The following GALNT1 variants were observed in gnomAD, a reference collection of about 807,000 sequenced individuals.
The protein encoded by GALNT1 is polypeptide N-acetylgalactosaminyltransferase 1, also known as GalNAc transferase 1.
A neutral mutation model predicts 65.7 loss-of-function variants in GALNT1; 17 were observed. That is an observed-to-expected ratio of 0.26 (90% confidence interval 0.18 to 0.39). The LOEUF is 0.39. GALNT1 is among the 10% of genes least tolerant of loss of function. The pLI is 1.00. For missense variants in GALNT1, 460 were observed against 672.8 expected (o/e 0.68, Z 3.50); for synonymous variants, 210 against 219.7 (o/e 0.96, Z 0.39).
intron 1 of GALNT1, among the ~76,000 whole-genome samples, chr18:35,600,688 G>C (rs1267136181): frequency 1.3e-5 from 2 of 151,876 alleles, no homozygotes; most frequent in African/African-American, 4.8e-5. Flanking sequence ...TTGCGGGGAG[G>C]GGTATGATCC....
rs532000728 is a variant in GALNT1 at position 35,649,444 on chromosome 18, C to T, written c.-103-5116C>T. Among the ~76,000 whole-genome samples, 137 of 152,194 alleles carry T rather than the reference C, an allele frequency of 9.0e-4. 3 individuals carry two copies. In the South Asian group the frequency reaches 0.022, roughly 25 times the overall value. ...TTTTTTATATATTCCGGATACTAGTCGTCTATCAGATATGTGACTTATAAA... is the reference window on the plus strand; with the variant it reads ...TTTTTTATATATTCCGGATACTAGTTGTCTATCAGATATGTGACTTATAAA... On this transcript the variant is annotated intron_variant, in intron 1 of 11. Transcript: ENST00000269195.
chr18:35,644,785 G>A (rs1223158968), intron 1 of GALNT1, among the ~76,000 whole-genome samples: 6 of 152,032 alleles, frequency 3.9e-5, no homozygotes, highest in Non-Finnish European at 5.9e-5. Context: ...CAGGTGACGC[G>A]TTTGAGACCA....
chr18:35,674,982 C>CA (rs150477892), intron 3 of GALNT1, among the ~76,000 whole-genome samples: 1,338 of 30,268 alleles, frequency 0.044, 209 homozygotes, highest in East Asian at 0.06. Context: ...GACTCCGTCT[C>CA]AAAAAAAAAA....
rs2046319529 is a variant in GALNT1 at position 35,581,770 on chromosome 18, C to T, written c.-196C>T. 1.4e-5 allele frequency: 1 copy of T among 70,692 alleles called. No individual in the cohort carries two copies. The highest frequency in any genetic ancestry group is 2.8e-5 in the Non-Finnish European group (1 of 35,702). The allele number at this position is 70,692 out of a possible 1,614,324, so 4.4% of individuals were successfully genotyped here. A position where few individuals can be genotyped will look rare whatever the true frequency, so the allele number is the denominator to read the frequency against. On this transcript the variant is annotated 5_prime_UTR_variant, in exon 1 of 12. Coordinates refer to ENST00000269195, the MANE Select transcript of GALNT1 (RefSeq NM_020474.4). ...CCGAGGAGCGCGCGGCGGACGGCGG[C>T]CCGAGAGTAGCGCGCTGGCCGCGGG...
chr18:35,625,673 A>G (rs2046908157), intron 1 of GALNT1, among the ~76,000 whole-genome samples: 1 of 152,166 alleles, frequency 6.6e-6, no homozygotes. Flanking sequence ...GGGGGATTCC[A>G]TGACCAGAAA....
intron 5 of GALNT1, among the ~76,000 whole-genome samples, chr18:35,685,370 C>A (rs577251251): frequency 5.3e-5 from 8 of 152,016 alleles, no homozygotes; most frequent in South Asian, 2.1e-4. Context: ...CACCTCTGAT[C>A]ACTCCCATAG....
intron 1 of GALNT1, among the ~76,000 whole-genome samples, chr18:35,651,948 A>G (rs574423204): frequency 1.3e-4 from 20 of 152,264 alleles, no homozygotes; most frequent in African/African-American, 4.3e-4. Context: ...TACATCTTAT[A>G]TCTTTGATGA....
chr18:35,581,578 G>GGAAGCGGC (rs1233234531), upstream of GALNT1, among the ~76,000 whole-genome samples: 2 of 90 alleles, frequency 0.022, no homozygotes, highest in East Asian at 0.25. Flanking sequence ...CCAAGTGAGC[G>GGAAGCGGC]GGCAGGCGGC....
intron 1 of GALNT1, among the ~76,000 whole-genome samples, chr18:35,586,247 C>T (rs181138420): frequency 1.4e-4 from 21 of 152,262 alleles, no homozygotes; most frequent in Non-Finnish European, 2.4e-4. Context: ...TGTATATTTT[C>T]TTCAGGGAAC....
chr18:35,665,011 A>G (rs1282687463), intron 3 of GALNT1, among the ~76,000 whole-genome samples: 1 of 152,234 alleles, frequency 6.6e-6, no homozygotes, highest in Non-Finnish European at 1.5e-5. Flanking sequence ...TTCCAACTTA[A>G]TGGCACAGCC....
chr18:35,627,941 G>T (rs2144163231), intron 1 of GALNT1, among the ~76,000 whole-genome samples: 1 of 145,126 alleles, frequency 6.9e-6, no homozygotes, highest in East Asian at 2.0e-4. Context: ...TGGCTCGGAG[G>T]GTCCTACGCC....
At chr18:35,600,864 T>C (rs1369923053) in intron 1 of GALNT1, among the ~76,000 whole-genome samples, 2 of 152,138 alleles carry the variant, frequency 1.3e-5, no homozygotes, top group East Asian at 3.9e-4. Flanking sequence ...GATTTTTGCA[T>C]ATTACGTTCA....
At chr18:35,615,297 G>A (rs1370998323) in intron 1 of GALNT1, among the ~76,000 whole-genome samples, 1 of 152,164 alleles carries the variant, frequency 6.6e-6, no homozygotes, top group Non-Finnish European at 1.5e-5. Context: ...CTCTAAGTAC[G>A]TGGAAAGCTA....
Position 35,710,395 on chromosome 18 carries a change from T to C in GALNT1, c.*625T>C, listed in dbSNP as rs1251117741. The C allele has an allele frequency of 2.0e-5, 3 of 152,626 alleles. No homozygotes were observed. The East Asian group carries it at 5.8e-4, about 29-fold the overall frequency. 9.5% of individuals were successfully genotyped at this position (152,626 alleles called of 1,614,324 possible). On this transcript the variant is annotated 3_prime_UTR_variant, in exon 12 of 12. Coordinates refer to ENST00000269195, the MANE Select transcript of GALNT1 (RefSeq NM_020474.4). The stretch of plus-strand genomic sequence containing the variant: ...TACCTCAGTGGGGAAAAATAACTGA[T>C]TCCAATGACATTCATTTTGTTTTCA...
At chr18:35,583,723 A>G (rs1446568319) in intron 1 of GALNT1, among the ~76,000 whole-genome samples, 1 of 152,090 alleles carries the variant, frequency 6.6e-6, no homozygotes, top group African/African-American at 2.4e-5. Context: ...CAACAACAAA[A>G]CTGATTGTTA....
intron 4 of GALNT1, among the ~76,000 whole-genome samples, chr18:35,681,462 G>A (rs929128885): frequency 6.6e-6 from 1 of 151,692 alleles, no homozygotes; most frequent in African/African-American, 2.4e-5. Flanking sequence ...CAAATTTTGT[G>A]AGTTACCCGA....
intron 1 of GALNT1, among the ~76,000 whole-genome samples, chr18:35,597,873 A>T (rs2046524306): frequency 6.6e-6 from 1 of 152,046 alleles, no homozygotes; most frequent in African/African-American, 2.4e-5. Context: ...AAATGCTGTG[A>T]TTCTTTATGC....
intron 2 of GALNT1, among the ~76,000 whole-genome samples, chr18:35,658,015 C>T (rs1004780180): frequency 6.6e-6 from 1 of 152,166 alleles, no homozygotes; most frequent in Non-Finnish European, 1.5e-5. Context: ...AAAGGATTCT[C>T]CTCAAAGAGC....
At chr18:35,617,021 C>T (rs1272432011) in intron 1 of GALNT1, among the ~76,000 whole-genome samples, 1 of 152,056 alleles carries the variant, frequency 6.6e-6, no homozygotes, top group Admixed American at 6.6e-5. Flanking sequence ...ACAAACAAAA[C>T]TTTATGAGTA....
Sources: gnomAD v4.1 joint callset for allele counts (sites outside exome capture counted in the v4.1 genomes callset) on GRCh38, gnomAD v4.1.1 for gene constraint, MANE v1.5 for transcripts, NCBI Gene and HGNC (gene_info 2026-07-23, HGNC 2026-07-21) for gene names.